ITSN1: variants seen among roughly 807,000 people sequenced by gnomAD.
ITSN1 encodes the protein intersectin-1.
In ITSN1, 58 loss-of-function variants were observed where a neutral mutation model predicts 239.8. The observed-to-expected ratio is 0.24, with a 90% CI of 0.20 to 0.30. The LOEUF is 0.30. ITSN1 is among the 10% of genes least tolerant of loss of function. The pLI, the probability that ITSN1 is intolerant of heterozygous loss-of-function variation, is 1.00. For missense variants in ITSN1, 1,558 were observed against 2,103.3 expected, an observed-to-expected ratio of 0.74 and a Z score of 5.07; for synonymous variants, 780 against 770.8, an observed-to-expected ratio of 1.01 and a Z score of -0.20.
intron 29 of ITSN1, among the ~76,000 whole-genome samples, chr21:33,856,270 G>A (rs538845275): frequency 6.6e-6 from 1 of 152,134 alleles, no homozygotes; most frequent in African/African-American, 2.4e-5. Flanking sequence ...AGTTTCTAGG[G>A]TGCCCTAACA....
At chr21:33,776,923 A>G (rs928400386) in intron 14 of ITSN1, among the ~76,000 whole-genome samples, 15 of 152,124 alleles carry the variant, frequency 9.9e-5, no homozygotes, top group African/African-American at 3.4e-4. Flanking sequence ...GATGAAGTTC[A>G]GTTTACCGTT....
intron 8 of ITSN1, among the ~76,000 whole-genome samples, chr21:33,758,131 C>T (rs956550115): frequency 2.0e-5 from 3 of 152,102 alleles, no homozygotes; most frequent in Non-Finnish European, 2.9e-5. Flanking sequence ...AGTCCTACCA[C>T]CTTGTCCTCC....
At chr21:33,643,483 T>G (rs2087630848) in intron 1 of ITSN1, 1 of 152,050 alleles carries the variant, frequency 6.6e-6, no homozygotes, top group Non-Finnish European at 1.5e-5. Flanking sequence ...CGCACCTTCC[T>G]GCGCTTCTGC....
chr21:33,755,321 T>C lies in ITSN1; in HGVS notation c.648T>C (p.Ala216=). The change falls in exon 8 of 40, where the codon GCT becomes GCC. Residue 216 remains alanine (A), a synonymous_variant. Coordinates refer to ENST00000381318, the MANE Select transcript of ITSN1 (RefSeq NM_003024.3). ...GTGTCCCACCAGTGGCAGAGTGGGC[T>C]GTTCCTCAGTCATCAAGACTGAAAT... The part of the protein sequence containing the change: ...VASVPPVAEW[A]VPQSSRLKYR... The C allele has an allele frequency of 6.2e-7, 1 of 1,610,432 alleles. No individual in the cohort carries two copies. The highest frequency in any genetic ancestry group is 8.5e-7 in the Non-Finnish European group (1 of 1,177,876).
At chr21:33,733,465 A>T (rs1229869533) in intron 4 of ITSN1, among the ~76,000 whole-genome samples, 1 of 152,238 alleles carries the variant, frequency 6.6e-6, no homozygotes, top group Non-Finnish European at 1.5e-5. Flanking sequence ...CCTTCTAATC[A>T]TATGATAAAA....
At chr21:33,858,358 C>T (rs371095076) in intron 30 of ITSN1, among the ~76,000 whole-genome samples, 1 of 152,242 alleles carries the variant, frequency 6.6e-6, no homozygotes, top group East Asian at 1.9e-4. Flanking sequence ...CCTCCCAGTG[C>T]GCAGGTGAGA....
intron 16 of ITSN1, among the ~76,000 whole-genome samples, chr21:33,790,042 T>G (rs1386602293): frequency 6.6e-6 from 1 of 152,154 alleles, no homozygotes; most frequent in African/African-American, 2.4e-5. Context: ...AAACAGAATC[T>G]TGATATGCCA....
intron 20 of ITSN1, 63 bp downstream of exon 20, chr21:33,802,507 C>T: frequency 2.6e-6 from 4 of 1,541,490 alleles, no homozygotes; most frequent in Non-Finnish European, 3.6e-6. Context: ...TTTTAAGTCA[C>T]TTGAATTCTG....
intron 29 of ITSN1, among the ~76,000 whole-genome samples, chr21:33,848,703 C>G (rs1182337392): frequency 6.6e-6 from 1 of 152,210 alleles, no homozygotes; most frequent in Non-Finnish European, 1.5e-5. Context: ...TGGCGTTCCA[C>G]CTGAACGCCC....
chr21:33,792,090 C>T (rs2071181255), intron 16 of ITSN1, among the ~76,000 whole-genome samples: 1 of 152,174 alleles, frequency 6.6e-6, no homozygotes, highest in Admixed American at 6.5e-5. Context: ...TAAGATTTAT[C>T]AGATCCCAAA....
intron 4 of ITSN1, among the ~76,000 whole-genome samples, chr21:33,734,639 G>T (rs1467553684): frequency 6.6e-6 from 1 of 152,036 alleles, no homozygotes; most frequent in Non-Finnish European, 1.5e-5. Flanking sequence ...TTTTCTAATA[G>T]CTTTATTGTG....
At position 33,882,865 on chromosome 21, in the gene ITSN1, C is replaced by G. The variant is rs991042795; in HGVS notation, c.4554+410C>G. On this transcript the variant is annotated intron_variant, in intron 35 of 39. Coordinates refer to ENST00000381318, the MANE Select transcript of ITSN1 (RefSeq NM_003024.3). The surrounding 1 kb of genome is among the most constrained non-coding windows in gnomAD (Gnocchi z 4.5). ...ACTTCTCCAGGTAGCTTGAAACATC[C>G]GAGCCCCCTCCTTTCTAGCAAAGTC... Among the ~76,000 whole-genome samples, 1 of 152,156 alleles carries G rather than the reference C, an allele frequency of 6.6e-6. No individual in the cohort carries two copies. Among genetic ancestry groups the G allele is most frequent in the Admixed American group, 6.5e-5 (1 of 15,272 alleles).
At chr21:33,708,241 A>G (rs1177553858) in intron 1 of ITSN1, among the ~76,000 whole-genome samples, 2 of 152,160 alleles carry the variant, frequency 1.3e-5, no homozygotes, top group Non-Finnish European at 2.9e-5. Flanking sequence ...TTCTTTAGAT[A>G]TTGTGGATAC....
At chr21:33,773,556 C>T (rs147104907) in intron 12 of ITSN1, among the ~76,000 whole-genome samples, 5 of 152,140 alleles carry the variant, frequency 3.3e-5, no homozygotes, top group African/African-American at 1.2e-4. Flanking sequence ...GTAATCCCAG[C>T]ACTTTGGGAG....
At chr21:33,815,350 A>G (rs1322047841) in intron 22 of ITSN1, among the ~76,000 whole-genome samples, 1 of 152,050 alleles carries the variant, frequency 6.6e-6, no homozygotes, top group Non-Finnish European at 1.5e-5. Flanking sequence ...CTCAGCATTT[A>G]GCACGTGTCA....
At chr21:33,741,416 G>C (rs1173690876) in intron 5 of ITSN1, among the ~76,000 whole-genome samples, 1 of 152,176 alleles carries the variant, frequency 6.6e-6, no homozygotes, top group Non-Finnish European at 1.5e-5. Flanking sequence ...ATGTTGCTAT[G>C]TGTGGATATG....
chr21:33,829,967 T>C (rs1034256770), intron 27 of ITSN1, among the ~76,000 whole-genome samples: 1 of 152,210 alleles, frequency 6.6e-6, no homozygotes, highest in African/African-American at 2.4e-5. Context: ...AAAACATATC[T>C]TTCCCATTCC....
chr21:33,742,541 G>A (rs1009255334), intron 5 of ITSN1, among the ~76,000 whole-genome samples: 13 of 152,292 alleles, frequency 8.5e-5, no homozygotes, highest in African/African-American at 3.1e-4. Context: ...CAGGCTGAGA[G>A]CAGCAATAGA....
chr21:33,692,843 T>C (rs2091610084), intron 1 of ITSN1, among the ~76,000 whole-genome samples: 1 of 152,122 alleles, frequency 6.6e-6, no homozygotes, highest in African/African-American at 2.4e-5. Flanking sequence ...CGATCTTGGC[T>C]TACTGCACCC....
Sources: gnomAD v4.1 joint callset for allele counts (sites outside exome capture counted in the v4.1 genomes callset) on GRCh38, gnomAD v4.1.1 for gene constraint, Gnocchi (gnomAD v3.1) non-coding constraint, MANE v1.5 for transcripts, NCBI Gene and HGNC (gene_info 2026-07-23, HGNC 2026-07-21) for gene names.